The following HS6ST3 variants were observed in gnomAD, a reference collection of about 807,000 sequenced individuals.
The protein encoded by HS6ST3 is heparan-sulfate 6-O-sulfotransferase 3.
In HS6ST3, 12 loss-of-function variants were observed where a neutral mutation model predicts 36.7. The ratio of observed to expected loss-of-function variants is 0.33; its 90% CI spans 0.21 to 0.53. The LOEUF (loss-of-function observed/expected upper bound fraction) is 0.53, where lower values mean the gene tolerates loss of function less well. Among genes scored for constraint, HS6ST3 ranks in the 20% least tolerant of loss-of-function variants. The pLI is 0.95. For missense variants in HS6ST3, 584 were observed against 640.9 expected (o/e 0.91, Z 0.96); for synonymous variants, 240 against 257.5 (o/e 0.93, Z 0.65).
At chr13:96,129,145 C>A (rs1439906886) in intron 1 of HS6ST3, among the ~76,000 whole-genome samples, 1 of 152,180 alleles carries the variant, frequency 6.6e-6, no homozygotes, top group South Asian at 2.1e-4. Context: ...GCCACCATGC[C>A]CAGCTCCCCT....
intron 1 of HS6ST3, among the ~76,000 whole-genome samples, chr13:96,116,056 T>C (rs2053892408): frequency 1.3e-5 from 2 of 152,136 alleles, no homozygotes; most frequent in Admixed American, 6.5e-5. Flanking sequence ...CTTTTAAAAG[T>C]GGTGTTTATT....
chr13:96,541,585 A>G (rs2056177893), intron 1 of HS6ST3, among the ~76,000 whole-genome samples: 1 of 152,208 alleles, frequency 6.6e-6, no homozygotes, highest in Non-Finnish European at 1.5e-5. Flanking sequence ...AACAACGTAT[A>G]TAGTGCCTGG....
intron 1 of HS6ST3, among the ~76,000 whole-genome samples, chr13:96,133,688 G>A (rs1040825548): frequency 6.6e-6 from 1 of 152,204 alleles, no homozygotes; most frequent in South Asian, 2.1e-4. Flanking sequence ...CTCCCAAAGT[G>A]CTGGGATTAC....
At chr13:96,633,417 AG>A (rs1469294230) in intron 1 of HS6ST3, among the ~76,000 whole-genome samples, 1 of 152,202 alleles carries the variant, frequency 6.6e-6, no homozygotes, top group Non-Finnish European at 1.5e-5. Context: ...TATGCTCCAA[AG>A]GTATTAGAGA....
intron 1 of HS6ST3, among the ~76,000 whole-genome samples, chr13:96,315,463 G>A (rs1314543433): frequency 2.6e-5 from 4 of 151,666 alleles, no homozygotes; most frequent in Non-Finnish European, 4.4e-5. Flanking sequence ...AATAACTCTG[G>A]TACAAGTTTG....
At chr13:96,804,624 T>C (rs561939724) in intron 1 of HS6ST3, among the ~76,000 whole-genome samples, 1 of 152,344 alleles carries the variant, frequency 6.6e-6, no homozygotes, top group Non-Finnish European at 1.5e-5. Context: ...AATCATTTTT[T>C]TTTTTAGCGA....
chr13:96,824,257 C>T (rs1878602938), intron 1 of HS6ST3, among the ~76,000 whole-genome samples: 1 of 152,210 alleles, frequency 6.6e-6, no homozygotes, highest in South Asian at 2.1e-4. Flanking sequence ...TGGTGCCGTG[C>T]GACGCACATG....
chr13:96,186,006 A>AGTGT (rs1404554562), intron 1 of HS6ST3, among the ~76,000 whole-genome samples: 2 of 152,152 alleles, frequency 1.3e-5, no homozygotes, highest in Admixed American at 1.3e-4. Context: ...CATGGATCTG[A>AGTGT]GTGTATGTAT....
intron 1 of HS6ST3, among the ~76,000 whole-genome samples, chr13:96,743,054 A>AT (rs1319734728): frequency 6.6e-6 from 1 of 152,074 alleles, no homozygotes; most frequent in Non-Finnish European, 1.5e-5. Context: ...AACGTGGCTG[A>AT]TTTTTTGTAA....
At chr13:96,200,598 T>C (rs2139351249) in intron 1 of HS6ST3, among the ~76,000 whole-genome samples, 1 of 152,328 alleles carries the variant, frequency 6.6e-6, no homozygotes, top group African/African-American at 2.4e-5. Context: ...CTGTAGTATT[T>C]CATTTTGGCA....
intron 1 of HS6ST3, among the ~76,000 whole-genome samples, chr13:96,588,879 GTC>G (rs891548922): frequency 7.2e-5 from 11 of 151,750 alleles, no homozygotes; most frequent in Non-Finnish European, 1.6e-4. Context: ...GCAAAACCCT[GTC>G]TCTACTAAAA....
chr13:96,656,994 T>TGAGAGA lies in HS6ST3; in HGVS notation c.708-175495_708-175494insAGAGAG, dbSNP rs1383073942. ...GTGTGTGTGTGTGTGTGTGTGTGTG[T>TGAGAGA]GTGTGAGAGAGAGAGAGAGAGAGAG... On this transcript the variant is annotated intron_variant, in intron 1 of 1. Coordinates refer to ENST00000376705, the MANE Select transcript of HS6ST3 (RefSeq NM_153456.4). Among the ~76,000 whole-genome samples, 373 of 135,376 alleles carry TGAGAGA rather than the reference T, an allele frequency of 2.8e-3. 1 individual carries two copies. The highest frequency in any genetic ancestry group is 9.9e-3 in the African/African-American group (347 of 35,076). 88.8% of individuals were successfully genotyped at this position (135,376 alleles called of 152,430 possible).
intron 1 of HS6ST3, among the ~76,000 whole-genome samples, chr13:96,325,350 G>A (rs1659482120): frequency 6.6e-6 from 1 of 151,868 alleles, no homozygotes; most frequent in African/African-American, 2.4e-5. Flanking sequence ...AGAAATCAAT[G>A]GCCTCATCTT....
intron 1 of HS6ST3, among the ~76,000 whole-genome samples, chr13:96,245,484 G>A (rs1566299915): frequency 6.6e-6 from 1 of 152,078 alleles, no homozygotes; most frequent in African/African-American, 2.4e-5. Flanking sequence ...TTTCTCATTG[G>A]TTCCAGCTAA....
chr13:96,422,452 AC>A (rs760182741), intron 1 of HS6ST3, among the ~76,000 whole-genome samples: 168 of 152,356 alleles, frequency 1.1e-3, no homozygotes, highest in Admixed American at 1.7e-3. Context: ...AAGATCCTTG[AC>A]ACAAGGCATG....
intron 1 of HS6ST3, among the ~76,000 whole-genome samples, chr13:96,228,532 C>G (rs776677521): frequency 1.3e-5 from 2 of 152,102 alleles, no homozygotes; most frequent in Admixed American, 1.3e-4. Context: ...TCCCAAAGTG[C>G]GAGGATTACA....
At chr13:96,444,601 C>G (rs1157869724) in intron 1 of HS6ST3, among the ~76,000 whole-genome samples, 1 of 152,050 alleles carries the variant, frequency 6.6e-6, no homozygotes, top group Non-Finnish European at 1.5e-5. Flanking sequence ...TGGGATTGTG[C>G]ATAAACAATA....
At chr13:96,438,895 A>T (rs1159403675) in intron 1 of HS6ST3, among the ~76,000 whole-genome samples, 1 of 152,072 alleles carries the variant, frequency 6.6e-6, no homozygotes, top group Non-Finnish European at 1.5e-5. Context: ...GGGAAAACCC[A>T]TCTGTACTAA....
intron 1 of HS6ST3, among the ~76,000 whole-genome samples, chr13:96,700,332 G>A (rs918733276): frequency 2.0e-5 from 3 of 151,992 alleles, no homozygotes; most frequent in South Asian, 2.1e-4. Context: ...TCACTACCAC[G>A]AGAACAGCAT....
Sources: allele counts gnomAD v4.1 joint callset (sites outside exome capture counted in the v4.1 genomes callset), GRCh38; gene constraint gnomAD v4.1.1; transcripts MANE v1.5; gene names NCBI Gene and HGNC (gene_info 2026-07-23, HGNC 2026-07-21).